The following LUC7L2 variants were observed in gnomAD, a reference collection of about 807,000 sequenced individuals.
LUC7L2 encodes the protein putative RNA-binding protein Luc7-like 2.
In LUC7L2, 25 loss-of-function variants were observed where a neutral mutation model predicts 52.8. That is an observed-to-expected ratio of 0.47 (90% confidence interval 0.34 to 0.66). LUC7L2 has a LOEUF of 0.66. Among genes scored for constraint, LUC7L2 ranks in the 30% least tolerant of loss-of-function variants. The probability of loss-of-function intolerance (pLI) is 0.01; values close to 1 mark genes in which losing one functional copy is unlikely to be tolerated. For missense variants in LUC7L2, 328 were observed against 497.8 expected, an observed-to-expected ratio of 0.66 and a Z score of 3.25; for synonymous variants, 144 against 160.9, an observed-to-expected ratio of 0.89 and a Z score of 0.80.
chr7:139,369,165 A>G (rs1440403047), intron 1 of LUC7L2, among the ~76,000 whole-genome samples: 2 of 152,088 alleles, frequency 1.3e-5, no homozygotes, highest in South Asian at 2.1e-4. Flanking sequence ...CGTTACTTCT[A>G]ATTTTGTATA....
intron 1 of LUC7L2, among the ~76,000 whole-genome samples, chr7:139,344,475 A>G (rs954921076): frequency 3.3e-5 from 5 of 152,214 alleles, no homozygotes; most frequent in Non-Finnish European, 5.9e-5. Context: ...GAATAATGAC[A>G]AAACATATGT....
At chr7:139,345,803 C>A in intron 1 of LUC7L2, 1 of 1,324,092 alleles carries the variant, frequency 7.6e-7, no homozygotes, top group South Asian at 1.7e-5. Context: ...TAAGGTTTTT[C>A]TCTGTAATTT....
intron 3 of LUC7L2, 104 bp downstream of exon 3, chr7:139,398,801 C>T (rs1378123146): frequency 6.8e-6 from 7 of 1,026,406 alleles, no homozygotes. Flanking sequence ...AGTTTATCCT[C>T]TGGTTATATG....
upstream of LUC7L2, among the ~76,000 whole-genome samples, chr7:139,358,754 GACTCACTGCAA>G: frequency 6.6e-6 from 1 of 151,984 alleles, no homozygotes; most frequent in Non-Finnish European, 1.5e-5. Context: ...GCGTCATCTC[GACTCACTGCAA>G]CCTCCGTCTC....
intron 1 of LUC7L2, chr7:139,363,306 T>C: frequency 1.1e-6 from 1 of 893,454 alleles, no homozygotes; most frequent in Non-Finnish European, 1.3e-6. Context: ...TATATGTGAA[T>C]CAGTGTAACT....
upstream of LUC7L2, among the ~76,000 whole-genome samples, chr7:139,356,923 A>G (rs1799623996): frequency 6.6e-6 from 1 of 152,206 alleles, no homozygotes. Flanking sequence ...TAAGTGGTAA[A>G]TAAAGAACAT....
chr7:139,368,420 C>T (rs1469528818), intron 1 of LUC7L2, among the ~76,000 whole-genome samples: 10 of 152,238 alleles, frequency 6.6e-5, no homozygotes, highest in Admixed American at 2.0e-4. Context: ...AATGTTATTT[C>T]GTATATTTCT....
intron 6 of LUC7L2, 120 bp from the exon 7 acceptor site, chr7:139,409,443 T>A: frequency 8.2e-7 from 1 of 1,219,202 alleles, no homozygotes; most frequent in Non-Finnish European, 1.1e-6. Context: ...CAAATTGAAT[T>A]ATTAAACAGA....
intron 1 of LUC7L2, chr7:139,345,716 A>G: frequency 6.2e-7 from 1 of 1,612,206 alleles, no homozygotes; most frequent in Non-Finnish European, 8.5e-7. Flanking sequence ...CATGGAGAAT[A>G]TCCTTGGATG....
chr7:139,369,110 T>C (rs1395301471), intron 1 of LUC7L2, among the ~76,000 whole-genome samples: 2 of 152,230 alleles, frequency 1.3e-5, no homozygotes, highest in African/African-American at 4.8e-5. Context: ...AGTTACTTTT[T>C]CTTTGATTAT....
chr7:139,397,350 G>A (rs1794705255), intron 2 of LUC7L2, among the ~76,000 whole-genome samples: 1 of 152,102 alleles, frequency 6.6e-6, no homozygotes, highest in African/African-American at 2.4e-5. Flanking sequence ...ATAATAATGG[G>A]GAACATTGCT....
chr7:139,420,449 T>TGCC (rs1484596264), intron 9 of LUC7L2, among the ~76,000 whole-genome samples: 5 of 152,296 alleles, frequency 3.3e-5, no homozygotes, highest in African/African-American at 1.2e-4. Flanking sequence ...GTGATCCACC[T>TGCC]GCCTTGGCCT....
intron 1 of LUC7L2, among the ~76,000 whole-genome samples, chr7:139,352,400 T>C (rs1373280324): frequency 1.3e-5 from 2 of 152,020 alleles, no homozygotes; most frequent in Non-Finnish European, 2.9e-5. Flanking sequence ...GACACTGAGG[T>C]AGAAGGATCC....
At chr7:139,421,737 G>A (rs1795915420) in intron 9 of LUC7L2, among the ~76,000 whole-genome samples, 2 of 152,184 alleles carry the variant, frequency 1.3e-5, no homozygotes, top group African/African-American at 4.8e-5. Flanking sequence ...GAAAAGAACT[G>A]CCACAAAGAT....
chr7:139,342,714 G>A (rs985664333), intron 1 of LUC7L2, among the ~76,000 whole-genome samples: 2 of 152,080 alleles, frequency 1.3e-5, no homozygotes, highest in East Asian at 1.9e-4. Flanking sequence ...CGCCTGCCTC[G>A]GCCTCCCAAA....
At chr7:139,387,656 G>A (rs545815400) in intron 2 of LUC7L2, among the ~76,000 whole-genome samples, 1 of 152,292 alleles carries the variant, frequency 6.6e-6, no homozygotes, top group Non-Finnish European at 1.5e-5. Flanking sequence ...CGCAAAACTT[G>A]TGGTGGTTCT....
chr7:139,343,956 G>T (rs1397992333), intron 1 of LUC7L2, among the ~76,000 whole-genome samples: 4 of 151,296 alleles, frequency 2.6e-5, no homozygotes, highest in Non-Finnish European at 5.9e-5. Context: ...AGAGTTGGTG[G>T]GGGGCGTATT....
intron 2 of LUC7L2, 31 bp from the exon 3 acceptor site, chr7:139,398,568 G>T (rs771514427): frequency 1.3e-6 from 2 of 1,559,252 alleles, no homozygotes; most frequent in Admixed American, 4.2e-5. Flanking sequence ...ACTTTTTTTT[G>T]TTTTAATATT....
chr7:139,346,006 G>A (rs1166642260), intron 1 of LUC7L2: 4 of 187,192 alleles, frequency 2.1e-5, no homozygotes, highest in African/African-American at 7.2e-5. Context: ...GGGAGGCCAA[G>A]GCAGGCGGAT....
Sources: gnomAD v4.1 joint callset for allele counts (sites outside exome capture counted in the v4.1 genomes callset) on GRCh38, gnomAD v4.1.1 for gene constraint, MANE v1.5 for transcripts, NCBI Gene and HGNC (gene_info 2026-07-23, HGNC 2026-07-21) for gene names.